ZBTB20: variants seen among roughly 807,000 people sequenced by gnomAD.
The protein encoded by ZBTB20 is zinc finger and BTB domain-containing protein 20.
Under a neutral mutation model 56.9 loss-of-function variants are expected in ZBTB20, and 9 were observed. The ratio of observed to expected loss-of-function variants is 0.16; its 90% CI spans 0.10 to 0.28. ZBTB20 has a LOEUF of 0.28. Ranked by LOEUF, ZBTB20 falls within the 10% of genes least tolerant of loss-of-function variation. The probability of loss-of-function intolerance (pLI) is 1.00; values close to 1 mark genes in which losing one functional copy is unlikely to be tolerated. For missense variants in ZBTB20, 655 were observed against 1,003.0 expected, an observed-to-expected ratio of 0.65 and a Z score of 4.69; for synonymous variants, 417 against 420.7, an observed-to-expected ratio of 0.99 and a Z score of 0.11.
intron 5 of ZBTB20, among the ~76,000 whole-genome samples, chr3:114,738,743 T>G (rs1332979404): frequency 6.6e-6 from 1 of 152,180 alleles, no homozygotes; most frequent in Non-Finnish European, 1.5e-5. Flanking sequence ...AAGTAAAAAT[T>G]CTGACCAAAC....
chr3:114,595,615 C>T (rs1403182728), intron 6 of ZBTB20, among the ~76,000 whole-genome samples: 1 of 152,170 alleles, frequency 6.6e-6, no homozygotes, highest in East Asian at 1.9e-4. Flanking sequence ...ATTAAGAGTT[C>T]CAGGGTATTC....
At chr3:115,033,574 T>C (rs2080792501) in intron 2 of ZBTB20, among the ~76,000 whole-genome samples, 1 of 151,724 alleles carries the variant, frequency 6.6e-6, no homozygotes, top group Non-Finnish European at 1.5e-5. Context: ...TCTGCACTCT[T>C]ATATTTGTTG....
chr3:114,871,555 T>G (rs1003191788), intron 4 of ZBTB20, among the ~76,000 whole-genome samples: 1 of 152,110 alleles, frequency 6.6e-6, no homozygotes, highest in Non-Finnish European at 1.5e-5. Context: ...ATTCTCAACC[T>G]CTGGGATCCA....
chr3:114,433,792 C>T (rs1020428241), intron 7 of ZBTB20, among the ~76,000 whole-genome samples: 4 of 152,098 alleles, frequency 2.6e-5, no homozygotes, highest in African/African-American at 4.8e-5. Context: ...TTTAGCAGTT[C>T]GGAAGAAGCA....
At chr3:114,810,426 G>T (rs1230700234) in intron 4 of ZBTB20, among the ~76,000 whole-genome samples, 1 of 152,110 alleles carries the variant, frequency 6.6e-6, no homozygotes, top group East Asian at 1.9e-4. Context: ...AGGGCATGGG[G>T]TTTTTCTATG....
chr3:114,684,772 A>G (rs1295774475), intron 6 of ZBTB20, among the ~76,000 whole-genome samples: 1 of 152,182 alleles, frequency 6.6e-6, no homozygotes, highest in Non-Finnish European at 1.5e-5. Flanking sequence ...AATGTATAAA[A>G]GAAAATATTG....
At position 114,325,519 on chromosome 3, in the gene ZBTB20, T is replaced by C. The variant is rs562968167; in HGVS notation, c.*13486A>G. On this transcript the variant is annotated 3_prime_UTR_variant, in exon 12 of 12. Transcript: ENST00000675478. ...ATTTCTCTAGAAGTGTTTGGCAGCATGAAGAGAAATCTTTAATCACAAAGA... is the reference window on the plus strand; with the variant it reads ...ATTTCTCTAGAAGTGTTTGGCAGCACGAAGAGAAATCTTTAATCACAAAGA... The C allele has an allele frequency of 2.0e-5, 3 of 152,226 alleles. No individual in the cohort carries two copies. Among genetic ancestry groups the C allele is most frequent in the African/African-American group, 4.8e-5 (2 of 41,464 alleles). The allele number at this position is 152,226 out of a possible 1,614,324, so 9.4% of individuals were successfully genotyped here. A position where few individuals can be genotyped will look rare whatever the true frequency, so the allele number is the denominator to read the frequency against.
At chr3:115,112,754 C>A (rs904021407) in intron 1 of ZBTB20, among the ~76,000 whole-genome samples, 1 of 152,130 alleles carries the variant, frequency 6.6e-6, no homozygotes. Context: ...AATAGTGCTG[C>A]AATAAACATG....
chr3:115,031,726 A>G (rs1305496246), intron 2 of ZBTB20, among the ~76,000 whole-genome samples: 5 of 151,576 alleles, frequency 3.3e-5, no homozygotes, highest in African/African-American at 4.8e-5. Context: ...GTGCTGTATT[A>G]GAAGGAAATC....
chr3:115,100,603 A>G (rs1300526979), intron 1 of ZBTB20: 4 of 152,172 alleles, frequency 2.6e-5, no homozygotes, highest in African/African-American at 9.7e-5. Context: ...TATATTCTCT[A>G]TATCATTATT....
chr3:114,904,878 A>G (rs998176117), intron 3 of ZBTB20, among the ~76,000 whole-genome samples: 4 of 151,992 alleles, frequency 2.6e-5, no homozygotes, highest in African/African-American at 9.7e-5. Flanking sequence ...CGTTAACCCA[A>G]CGGCACAGTT....
At chr3:114,507,057 G>C (rs1016550962) in intron 6 of ZBTB20, among the ~76,000 whole-genome samples, 1 of 152,174 alleles carries the variant, frequency 6.6e-6, no homozygotes, top group Non-Finnish European at 1.5e-5. Context: ...TAAATAAATA[G>C]CACCAGAGAG....
At chr3:114,455,128 G>A (rs777897674) in intron 7 of ZBTB20, among the ~76,000 whole-genome samples, 11 of 150,696 alleles carry the variant, frequency 7.3e-5, no homozygotes, top group Non-Finnish European at 1.2e-4. Context: ...AAGACTGATT[G>A]GAACAGGAGG....
At chr3:115,043,380 G>T (rs933891425) in intron 2 of ZBTB20, among the ~76,000 whole-genome samples, 24 of 150,464 alleles carry the variant, frequency 1.6e-4, no homozygotes, top group Non-Finnish European at 2.5e-4. Context: ...CCAACATGGT[G>T]AAACCCCATC....
chr3:114,467,699 C>T (rs2092606748), intron 7 of ZBTB20, among the ~76,000 whole-genome samples: 1 of 152,082 alleles, frequency 6.6e-6, no homozygotes, highest in Non-Finnish European at 1.5e-5. Flanking sequence ...AACTCTGAAG[C>T]AAAACTATAT....
At position 114,537,960 on chromosome 3, in the gene ZBTB20, T is replaced by G. The variant is rs1053389730; in HGVS notation, c.-294-37569A>C. Among the ~76,000 whole-genome samples the G allele has an allele frequency of 2.6e-5, 4 of 151,636 alleles. No homozygotes were observed. The South Asian group carries it at 8.3e-4, about 32-fold the overall frequency. ...GAACACATGGACATAGGGAGGGGAATGTCACACACTGGGGCCTGTTGGTGG... is the reference window on the plus strand; with the variant it reads ...GAACACATGGACATAGGGAGGGGAAGGTCACACACTGGGGCCTGTTGGTGG... On this transcript the variant is annotated intron_variant, in intron 6 of 11. Transcript: ENST00000675478.
intron 8 of ZBTB20, among the ~76,000 whole-genome samples, chr3:114,384,441 C>A (rs1344169377): frequency 1.3e-5 from 2 of 151,396 alleles, no homozygotes; most frequent in Non-Finnish European, 2.9e-5. Flanking sequence ...CCTCCCGCCA[C>A]ACTGGTGGAG....
At chr3:114,543,764 T>C (rs2110123811) in intron 6 of ZBTB20, among the ~76,000 whole-genome samples, 1 of 152,316 alleles carries the variant, frequency 6.6e-6, no homozygotes. Context: ...ATTTTAATGG[T>C]CATAAAAATG....
At chr3:114,717,087 G>A (rs996652313) in intron 5 of ZBTB20, among the ~76,000 whole-genome samples, 2 of 152,214 alleles carry the variant, frequency 1.3e-5, no homozygotes, top group African/African-American at 4.8e-5. Context: ...CCTGCACACT[G>A]TGTGGTTTTG....
Sources: allele counts gnomAD v4.1 joint callset (sites outside exome capture counted in the v4.1 genomes callset), GRCh38; gene constraint gnomAD v4.1.1; transcripts MANE v1.5; gene names NCBI Gene and HGNC (gene_info 2026-07-23, HGNC 2026-07-21).